BDP1: variants seen among roughly 807,000 people sequenced by gnomAD.
The protein encoded by BDP1 is BDP1 general transcription factor IIIB subunit.
BDP1 carries 169 observed loss-of-function variants against 266.6 expected under a neutral mutation model. The observed-to-expected ratio is 0.63, with a 90% CI of 0.56 to 0.72. The LOEUF is 0.72. BDP1 is among the 30% of genes least tolerant of loss of function. BDP1 has a pLI of 0.00. For synonymous variants in BDP1, 1,090 were observed against 1,022.4 expected (o/e 1.07, Z -1.26); for missense variants, 3,015 against 3,053.8 (o/e 0.99, Z 0.30).
In BDP1 at chr5:71,564,750, T is replaced by C; in HGVS notation, c.7744-4T>C. 6.3e-7 allele frequency: 1 copy of C among 1,593,922 alleles called. No individual in the cohort carries two copies. Among genetic ancestry groups the C allele is most frequent in the Middle Eastern group, 2.3e-4 (1 of 4,430 alleles). ...TTTTTACTTTATTTTTATTACCTTT[T>C]TAGGTTTCTTGTGATCAGCCCTTAC... On this transcript the variant is annotated splice_region_variant and splice_polypyrimidine_tract_variant and intron_variant, in intron 38 of 38. Transcript: ENST00000358731.
intron 12 of BDP1, among the ~76,000 whole-genome samples, chr5:71,496,734 C>T (rs183751002): frequency 5.9e-5 from 9 of 152,250 alleles, no homozygotes; most frequent in African/African-American, 1.4e-4. Flanking sequence ...AGGCACGTGC[C>T]GCCATGCATG....
chr5:71,526,720 G>A (rs1765912092), intron 25 of BDP1, among the ~76,000 whole-genome samples: 1 of 134,394 alleles, frequency 7.4e-6, no homozygotes, highest in Non-Finnish European at 1.5e-5. Context: ...CGGGGTCTCA[G>A]TCTGTCACCC....
chr5:71,548,339 G>A (rs527451593), intron 32 of BDP1, among the ~76,000 whole-genome samples: 2 of 152,302 alleles, frequency 1.3e-5, no homozygotes, highest in African/African-American at 4.8e-5. Flanking sequence ...TGCATGCAGG[G>A]AAAGCAGTTT....
At chr5:71,495,053 T>C in intron 11 of BDP1, 197 bp from the exon 12 acceptor site, 1 of 365,816 alleles carries the variant, frequency 2.7e-6, no homozygotes, top group East Asian at 4.2e-5. Context: ...TGGCTGCTGC[T>C]TTCTCTGGAG....
chr5:71,536,583 A>G (rs1214724527), intron 26 of BDP1, among the ~76,000 whole-genome samples: 1 of 152,084 alleles, frequency 6.6e-6, no homozygotes, highest in African/African-American at 2.4e-5. Context: ...CATGCCTATA[A>G]TCTCAGTAAT....
At position 71,565,354 on chromosome 5, in the gene BDP1, A is replaced by G. The variant is rs971998541; in HGVS notation, c.*469A>G. On this transcript the variant is annotated 3_prime_UTR_variant, in exon 39 of 39. Coordinates refer to ENST00000358731, the MANE Select transcript of BDP1 (RefSeq NM_018429.3). ...CATTTGCTTCTAAGTACAGTCATGT[A>G]TCACATAATGAAGTTTAAGTCAATG... 1 of 153,626 alleles carries G rather than the reference A, an allele frequency of 6.5e-6. No homozygotes were observed. The highest frequency in any genetic ancestry group is 1.4e-5 in the Non-Finnish European group (1 of 69,030). 9.5% of individuals were successfully genotyped at this position (153,626 alleles called of 1,614,324 possible). A position where few individuals can be genotyped will look rare whatever the true frequency, so the allele number is the denominator to read the frequency against.
intron 38 of BDP1, among the ~76,000 whole-genome samples, chr5:71,564,123 CTG>C (rs902216255): frequency 1.3e-5 from 2 of 151,992 alleles, no homozygotes; most frequent in African/African-American, 4.8e-5. Context: ...AATACAATAA[CTG>C]TTTTTGATAT....
At position 71,553,191 on chromosome 5, in the gene BDP1, G is replaced by A. The variant is rs751786997; in HGVS notation, c.7071G>A (p.Lys2357=). 6 of 1,613,330 alleles carry A rather than the reference G, an allele frequency of 3.7e-6. No individual in the cohort carries two copies. In the South Asian group the frequency reaches 5.5e-5, roughly 15 times the overall value. ...TTTCTGGAAGAGATAATTCTAAAAA[G>A]CCGCCTGATAATTTGGATCTTGTAT... ...LSISGRDNSK[K]PPDNLDLVSR... Residue 2357 remains lysine, a synonymous_variant, in exon 35 of 39, where the codon AAG becomes AAA. Coordinates refer to ENST00000358731, the MANE Select transcript of BDP1 (RefSeq NM_018429.3).
chr5:71,469,579 T>A (rs1276590611), intron 6 of BDP1, among the ~76,000 whole-genome samples: 1 of 152,054 alleles, frequency 6.6e-6, no homozygotes, highest in Non-Finnish European at 1.5e-5. Flanking sequence ...AGAATGAATG[T>A]TTTAAAAAAA....
intron 11 of BDP1, among the ~76,000 whole-genome samples, chr5:71,492,523 A>AT (rs1763654385): frequency 6.6e-6 from 1 of 152,118 alleles, no homozygotes; most frequent in African/African-American, 2.4e-5. Flanking sequence ...GCTGTTAGCC[A>AT]TTTGTATATC....
Position 71,558,412 on chromosome 5 carries a change from A to G in BDP1, c.7240+1487A>G, listed in dbSNP as rs150114480. On this transcript the variant is annotated intron_variant, in intron 36 of 38. Transcript: ENST00000358731. ...GTGGTGGGCGCCTGTAATCCTAGCT[A>G]TTTGGGAGGCTGAGGCAGGAGATTG... 2.7e-3 allele frequency among the ~76,000 whole-genome samples: 417 copies of G among 151,904 alleles called. 3 individuals carry two copies. The highest frequency in any genetic ancestry group is 9.7e-3 in the African/African-American group (400 of 41,418).
intron 37 of BDP1, among the ~76,000 whole-genome samples, chr5:71,561,730 ACAG>A (rs996587542): frequency 1.3e-5 from 2 of 152,184 alleles, no homozygotes; most frequent in African/African-American, 4.8e-5. Flanking sequence ...AGTCCTGACA[ACAG>A]CAGTATGGAC....
intron 28 of BDP1, among the ~76,000 whole-genome samples, chr5:71,540,559 C>T (rs1021736657): frequency 1.3e-5 from 2 of 152,164 alleles, no homozygotes; most frequent in African/African-American, 4.8e-5. Context: ...AACTGCTGAC[C>T]TCAGGTGATC....
intron 24 of BDP1, among the ~76,000 whole-genome samples, chr5:71,523,541 T>G (rs1765616962): frequency 6.6e-6 from 1 of 152,194 alleles, no homozygotes; most frequent in African/African-American, 2.4e-5. Context: ...CTTGAACTCC[T>G]GACCTCAAGT....
intron 32 of BDP1, among the ~76,000 whole-genome samples, chr5:71,547,379 G>C (rs1292458966): frequency 6.6e-6 from 1 of 151,686 alleles, no homozygotes; most frequent in African/African-American, 2.4e-5. Flanking sequence ...ATATTTTAGG[G>C]CAAGATTACT....
At chr5:71,551,526 C>T (rs1055529184) in intron 34 of BDP1, among the ~76,000 whole-genome samples, 15 of 152,346 alleles carry the variant, frequency 9.8e-5, no homozygotes, top group Admixed American at 7.2e-4. Context: ...TACACAGACA[C>T]GGCAACCATC....
At chr5:71,508,560 AGG>A (rs1301807635) in intron 16 of BDP1, among the ~76,000 whole-genome samples, 2 of 151,900 alleles carry the variant, frequency 1.3e-5, no homozygotes, top group African/African-American at 2.4e-5. Flanking sequence ...CTAGGAGTAC[AGG>A]CATGAAGCAT....
chr5:71,563,439 T>C (rs960275205), intron 38 of BDP1, among the ~76,000 whole-genome samples: 1 of 151,612 alleles, frequency 6.6e-6, no homozygotes, highest in African/African-American at 2.4e-5. Flanking sequence ...GCCTGGCCTG[T>C]AGTGTTCTTA....
At chr5:71,551,307 G>A (rs1034718378) in intron 34 of BDP1, among the ~76,000 whole-genome samples, 1 of 152,076 alleles carries the variant, frequency 6.6e-6, no homozygotes, top group Non-Finnish European at 1.5e-5. Context: ...AGGGACTGGT[G>A]ATGACTCTTA....
Sources: allele counts gnomAD v4.1 joint callset (sites outside exome capture counted in the v4.1 genomes callset), GRCh38; gene constraint gnomAD v4.1.1; transcripts MANE v1.5; gene names NCBI Gene and HGNC (gene_info 2026-07-23, HGNC 2026-07-21).